Variants in SNX24 observed in about 807,000 individuals in gnomAD.
The protein encoded by SNX24 is sorting nexin 24, also known as sorting nexin-24.
A neutral mutation model predicts 28.7 loss-of-function variants in SNX24; 22 were observed. That is an observed-to-expected ratio of 0.77 (90% CI 0.55 to 1.10). SNX24 has a LOEUF of 1.10. Among genes scored for constraint, SNX24 ranks in the 50% least tolerant of loss-of-function variants. The pLI is 0.00. For missense variants in SNX24, 221 were observed against 201.1 expected (o/e 1.10, Z -0.60); for synonymous variants, 69 against 71.5 (o/e 0.96, Z 0.18).
chr5:122,916,391 C>G (rs949241485), intron 1 of SNX24, among the ~76,000 whole-genome samples: 1 of 152,140 alleles, frequency 6.6e-6, no homozygotes, highest in Non-Finnish European at 1.5e-5. Flanking sequence ...AAGGTTTATC[C>G]TGGGGGGCCT....
chr5:123,005,841 TCA>T (rs1334323280), intron 6 of SNX24, among the ~76,000 whole-genome samples: 1 of 152,220 alleles, frequency 6.6e-6, no homozygotes, highest in Non-Finnish European at 1.5e-5. Context: ...GTAAGGCCTA[TCA>T]CACGCTTTCA....
chr5:122,984,535 G>C (rs971882841), intron 3 of SNX24, among the ~76,000 whole-genome samples: 2 of 152,134 alleles, frequency 1.3e-5, no homozygotes, highest in Admixed American at 1.3e-4. Flanking sequence ...ATGTCAATCA[G>C]CCCTCAGGAG....
At chr5:122,847,281 T>A (rs979914766) in intron 1 of SNX24, among the ~76,000 whole-genome samples, 20 of 152,188 alleles carry the variant, frequency 1.3e-4, no homozygotes, top group Non-Finnish European at 2.1e-4. Flanking sequence ...TGTGCTTTTC[T>A]CCCAAAGCTT....
chr5:122,954,299 G>A (rs1760104553), intron 3 of SNX24, among the ~76,000 whole-genome samples: 1 of 151,626 alleles, frequency 6.6e-6, no homozygotes, highest in African/African-American at 2.4e-5. Flanking sequence ...GTACATAGTA[G>A]GTGTATATAT....
At chr5:122,861,454 C>A (rs1047194649) in intron 1 of SNX24, among the ~76,000 whole-genome samples, 2 of 152,178 alleles carry the variant, frequency 1.3e-5, no homozygotes, top group African/African-American at 2.4e-5. Flanking sequence ...CCAGCTGTTT[C>A]AGGATGATGG....
rs572974737 is a variant in SNX24 at position 122,859,850 on chromosome 5, C to T, written c.60+14157C>T. Among the ~76,000 whole-genome samples the T allele has an allele frequency of 5.9e-5, 9 of 152,234 alleles. No homozygotes were observed. In the South Asian group the frequency reaches 6.2e-4, roughly 11 times the overall value. ...AGGTGAAACAACTCAAAGCCAAAAG[C>T]TTCTAGGCTATAAGTGAATTTAAAT... On this transcript the variant is annotated intron_variant, in intron 1 of 6. Transcript: ENST00000261369.
intron 1 of SNX24, 31 bp downstream of exon 1, chr5:122,845,724 C>CGCGAGCCAGGCCTGCG: frequency 7.6e-7 from 1 of 1,321,050 alleles, no homozygotes; most frequent in Non-Finnish European, 9.8e-7. Flanking sequence ...GACAGGGCCC[C>CGCGAGCCAGGCCTGCG]GCGAGCCAGG....
chr5:122,867,852 G>A (rs1056115433), intron 1 of SNX24, among the ~76,000 whole-genome samples: 7 of 152,148 alleles, frequency 4.6e-5, no homozygotes, highest in African/African-American at 1.2e-4. Context: ...CTTCCAAGTC[G>A]TATTCCTTCC....
intron 1 of SNX24, among the ~76,000 whole-genome samples, chr5:122,915,781 C>G (rs1478967815): frequency 6.6e-6 from 1 of 152,254 alleles, no homozygotes; most frequent in Non-Finnish European, 1.5e-5. Context: ...CCTACCTTAG[C>G]TGCTCCAGAG....
At chr5:122,946,689 G>C (rs967226654) in intron 3 of SNX24, among the ~76,000 whole-genome samples, 8 of 152,194 alleles carry the variant, frequency 5.3e-5, no homozygotes, top group African/African-American at 1.9e-4. Context: ...ACTCTTTTCT[G>C]CAGCTGAGAG....
At chr5:122,893,966 T>G (rs1347540396) in intron 1 of SNX24, among the ~76,000 whole-genome samples, 1 of 151,940 alleles carries the variant, frequency 6.6e-6, no homozygotes, top group Non-Finnish European at 1.5e-5. Flanking sequence ...GAGAATCGCT[T>G]GAACCCGGTT....
At chr5:122,851,451 G>A (rs61513032) in intron 1 of SNX24, among the ~76,000 whole-genome samples, 4,044 of 152,218 alleles carry the variant, frequency 0.027, 150 homozygotes, top group African/African-American at 0.078. Flanking sequence ...ACAGGCATGA[G>A]CCACCACACC....
intron 1 of SNX24, among the ~76,000 whole-genome samples, chr5:122,866,095 T>C (rs79873855): frequency 0.012 from 1,897 of 152,338 alleles, 41 homozygotes; most frequent in African/African-American, 0.044. Context: ...GAAATACTCA[T>C]GACAATTCAA....
chr5:122,956,529 C>T (rs898766133), intron 3 of SNX24, among the ~76,000 whole-genome samples: 1 of 152,048 alleles, frequency 6.6e-6, no homozygotes, highest in Non-Finnish European at 1.5e-5. Flanking sequence ...AGAGATCCTG[C>T]TTTTGATTCT....
chr5:122,936,421 A>G (rs993361687), intron 1 of SNX24, among the ~76,000 whole-genome samples: 5 of 152,162 alleles, frequency 3.3e-5, no homozygotes, highest in Admixed American at 6.5e-5. Flanking sequence ...CAATGCTATC[A>G]TATTCACTTG....
At chr5:122,870,018 CT>C in intron 1 of SNX24, among the ~76,000 whole-genome samples, 1 of 152,094 alleles carries the variant, frequency 6.6e-6, no homozygotes, top group South Asian at 2.1e-4. Flanking sequence ...TTTAGGGAAA[CT>C]TTAATCAACA....
At chr5:122,856,835 G>A (rs1755216531) in intron 1 of SNX24, among the ~76,000 whole-genome samples, 1 of 152,044 alleles carries the variant, frequency 6.6e-6, no homozygotes, top group South Asian at 2.1e-4. Context: ...ATGGTTAAAA[G>A]CTGTAAATAG....
intron 3 of SNX24, among the ~76,000 whole-genome samples, chr5:122,960,385 A>T (rs549047383): frequency 6.6e-6 from 1 of 152,308 alleles, no homozygotes; most frequent in African/African-American, 2.4e-5. Flanking sequence ...CAAAATTTTT[A>T]GTCCCTAAAC....
intron 1 of SNX24, among the ~76,000 whole-genome samples, chr5:122,928,199 A>C (rs1179070369): frequency 6.6e-6 from 1 of 152,100 alleles, no homozygotes; most frequent in Non-Finnish European, 1.5e-5. Flanking sequence ...GTTAAATTAG[A>C]TTCTGTGACT....
Sources: gnomAD v4.1 joint callset for allele counts (sites outside exome capture counted in the v4.1 genomes callset) on GRCh38, gnomAD v4.1.1 for gene constraint, MANE v1.5 for transcripts, NCBI Gene and HGNC (gene_info 2026-07-23, HGNC 2026-07-21) for gene names.